The following DCC variants were observed in gnomAD, a reference collection of about 807,000 sequenced individuals.
DCC encodes DCC netrin 1 receptor.
DCC carries 58 observed loss-of-function variants against 172.5 expected under a neutral mutation model. The observed-to-expected ratio is 0.34, with a 90% CI of 0.27 to 0.42. The LOEUF (loss-of-function observed/expected upper bound fraction) is 0.42. DCC is among the 10% of genes least tolerant of loss of function. DCC has a pLI of 1.00. For synonymous variants in DCC, 709 were observed against 644.5 expected (o/e 1.10, Z -1.52); for missense variants, 1,740 against 1,791.0 (o/e 0.97, Z 0.51).
intron 18 of DCC, 133 bp downstream of exon 18, chr18:53,397,579 C>A: frequency 1.1e-6 from 1 of 947,108 alleles, no homozygotes; most frequent in South Asian, 1.5e-5. Context: ...CTCTATAGTT[C>A]ATAGCACTTT....
intron 15 of DCC, among the ~76,000 whole-genome samples, chr18:53,360,092 T>A (rs1011941270): frequency 2.6e-5 from 4 of 152,094 alleles, no homozygotes; most frequent in Admixed American, 2.6e-4. Flanking sequence ...TTTAAAGAAA[T>A]TAACCTTTAA....
intron 27 of DCC, among the ~76,000 whole-genome samples, chr18:53,510,323 T>C (rs2046235017): frequency 6.6e-6 from 1 of 152,162 alleles, no homozygotes. Context: ...AATTTTAATA[T>C]TTTTTCTGGT....
intron 9 of DCC, among the ~76,000 whole-genome samples, chr18:53,184,325 TATAA>T (rs1342418813): frequency 6.6e-6 from 1 of 152,136 alleles, no homozygotes; most frequent in African/African-American, 2.4e-5. Context: ...ATTGCCATTT[TATAA>T]ATAAAGCCAT....
At position 52,752,284 on chromosome 18, in the gene DCC, C is replaced by T. The variant is rs1254032528; in HGVS notation, c.322C>T (p.His108Tyr). 1.2e-6 allele frequency: 2 copies of T among 1,614,084 alleles called. No homozygotes were observed. The highest frequency in any genetic ancestry group is 1.7e-5 in the Admixed American group (1 of 60,016). Residue 108 changes from histidine to tyrosine, a missense_variant, in exon 2 of 29, where the codon CAC becomes TAC. Transcript: ENST00000442544. ...LIQNILHSRH[H>Y]KPDEGLYQCE... ...ACAAAACATACTTCATTCCAGACAC[C>T]ACAAGCCAGATGAGGGACTTTACCA...
intron 2 of DCC, chr18:52,756,953 A>T (rs1229480499): frequency 6.6e-6 from 1 of 151,998 alleles, no homozygotes; most frequent in Non-Finnish European, 1.5e-5. Context: ...GATGCAAAAT[A>T]TTTTTTTTCA....
intron 2 of DCC, among the ~76,000 whole-genome samples, chr18:52,876,292 A>T (rs1319166309): frequency 1.3e-5 from 2 of 152,212 alleles, no homozygotes; most frequent in East Asian, 3.9e-4. Flanking sequence ...CTTTTTCCAG[A>T]TTCCACTTTG....
At chr18:52,938,292 A>C (rs1261182812) in intron 5 of DCC, among the ~76,000 whole-genome samples, 1 of 152,152 alleles carries the variant, frequency 6.6e-6, no homozygotes, top group Non-Finnish European at 1.5e-5. Context: ...CAAGACAGTG[A>C]GATTTATCAC....
chr18:53,288,461 A>G (rs1173647421), intron 12 of DCC, among the ~76,000 whole-genome samples: 1 of 152,118 alleles, frequency 6.6e-6, no homozygotes, highest in Non-Finnish European at 1.5e-5. Context: ...ACATTGCTTG[A>G]AATAAAAATC....
intron 15 of DCC, among the ~76,000 whole-genome samples, chr18:53,378,625 A>T (rs549542340): frequency 6.6e-6 from 1 of 152,356 alleles, no homozygotes; most frequent in Non-Finnish European, 1.5e-5. Context: ...TCTGTGTCTC[A>T]TACATTCAGC....
intron 1 of DCC, among the ~76,000 whole-genome samples, chr18:52,650,627 A>AAGGTTGATAAATAAAC (rs2035113893): frequency 2.0e-5 from 3 of 152,166 alleles, no homozygotes; most frequent in Admixed American, 2.0e-4. Flanking sequence ...TATCTCATTG[A>AAGGTTGATAAATAAAC]AGGTTGATAA....
chr18:53,521,713 G>T (rs1255948190), intron 27 of DCC, among the ~76,000 whole-genome samples: 1 of 152,060 alleles, frequency 6.6e-6, no homozygotes, highest in Non-Finnish European at 1.5e-5. Context: ...AACATGCATT[G>T]CATGTGTTTG....
intron 3 of DCC, among the ~76,000 whole-genome samples, chr18:52,916,835 CAG>C (rs1235193820): frequency 1.3e-5 from 2 of 152,012 alleles, no homozygotes; most frequent in East Asian, 1.9e-4. Flanking sequence ...AACAACATAA[CAG>C]AACAATGTCA....
intron 1 of DCC, among the ~76,000 whole-genome samples, chr18:52,697,093 C>A (rs2036024402): frequency 6.6e-6 from 1 of 152,152 alleles, no homozygotes; most frequent in African/African-American, 2.4e-5. Context: ...GTAGATAAAA[C>A]AGAGATTTTT....
intron 26 of DCC, among the ~76,000 whole-genome samples, chr18:53,498,057 C>T (rs924225254): frequency 3.9e-5 from 6 of 152,168 alleles, no homozygotes; most frequent in African/African-American, 1.2e-4. Context: ...GGAGGCTGCT[C>T]AATGACCCAG....
intron 9 of DCC, among the ~76,000 whole-genome samples, chr18:53,191,462 A>G (rs1218347504): frequency 6.6e-6 from 1 of 152,084 alleles, no homozygotes; most frequent in Non-Finnish European, 1.5e-5. Flanking sequence ...TCTTAAAAAT[A>G]TTTAATTTTG....
At chr18:53,057,095 A>G (rs955275890) in intron 5 of DCC, among the ~76,000 whole-genome samples, 1 of 150,702 alleles carries the variant, frequency 6.6e-6, no homozygotes, top group Non-Finnish European at 1.5e-5. Flanking sequence ...AAAAAAAAAA[A>G]AAAAAAAAGC....
At chr18:53,405,134 G>A (rs1909578388) in intron 19 of DCC, among the ~76,000 whole-genome samples, 1 of 150,904 alleles carries the variant, frequency 6.6e-6, no homozygotes, top group African/African-American at 2.4e-5. Context: ...TAAGCAGAGG[G>A]CACAAATTTG....
chr18:52,752,497 T>G (rs1264514358), intron 2 of DCC, 123 bp downstream of exon 2: 45 of 773,762 alleles, frequency 5.8e-5, no homozygotes, highest in Non-Finnish European at 9.6e-5. Flanking sequence ...AAATTTTAAG[T>G]TGACAAGTAA....
intron 1 of DCC, among the ~76,000 whole-genome samples, chr18:52,475,792 T>C (rs1989075692): frequency 6.6e-6 from 1 of 152,192 alleles, no homozygotes; most frequent in Non-Finnish European, 1.5e-5. Flanking sequence ...GATGAATTTC[T>C]CAAAACAACA....
Sources: gnomAD v4.1 joint callset for allele counts (sites outside exome capture counted in the v4.1 genomes callset) on GRCh38, gnomAD v4.1.1 for gene constraint, MANE v1.5 for transcripts, NCBI Gene and HGNC (gene_info 2026-07-23, HGNC 2026-07-21) for gene names.